Variants in ERP29 observed in about 807,000 individuals in gnomAD.
The protein encoded by ERP29 is endoplasmic reticulum resident protein 29.
Under a neutral mutation model 21.7 loss-of-function variants are expected in ERP29, and 14 were observed. The ratio of observed to expected loss-of-function variants is 0.64; its 90% CI spans 0.43 to 1.01. The LOEUF is 1.01. ERP29 is among the 50% of genes least tolerant of loss of function. ERP29 has a pLI of 0.00. For synonymous variants in ERP29, 129 were observed against 139.1 expected (o/e 0.93, Z 0.51); for missense variants, 286 against 327.3 (o/e 0.87, Z 0.97).
chr12:112,015,793 G>C (rs1209932696), intron 1 of ERP29, among the ~76,000 whole-genome samples: 1 of 152,136 alleles, frequency 6.6e-6, no homozygotes, highest in Admixed American at 6.5e-5. Context: ...TATATGACCT[G>C]ACTCCTGGCT....
chr12:112,013,515 T>C lies in ERP29; in HGVS notation c.50T>C (p.Leu17Pro), dbSNP rs763648928. ...RAAFLSPLLP[L>P]LLGFLLLSAP... ...GCATTTCTCTCCCCGCTGCTTCCCC[T>C]TCTCCTGGGCTTCCTGCTCCTCTCC... is the stretch of plus-strand genomic sequence containing the variant. The change falls in exon 1 of 3, where the codon CTT becomes CCT. Residue 17 changes from leucine to proline, a missense_variant. Physicochemically the swap from Leu to Pro is moderately conservative, Grantham distance 98. Coordinates refer to ENST00000261735, the MANE Select transcript of ERP29 (RefSeq NM_006817.4). 1 of 1,612,596 alleles carries C rather than the reference T, an allele frequency of 6.2e-7. No homozygotes were observed. Among genetic ancestry groups the C allele is most frequent in the Non-Finnish European group, 8.5e-7 (1 of 1,179,408 alleles).
At chr12:112,014,748 C>G (rs1272467030) in intron 1 of ERP29, 1 of 152,262 alleles carries the variant, frequency 6.6e-6, no homozygotes, top group South Asian at 2.1e-4. Context: ...GAGAGCCAGT[C>G]ATTTCATTTT....
chr12:112,013,505 C>T lies in ERP29; in HGVS notation c.40C>T (p.Leu14=). ...GCCCCGCGCCGCATTTCTCTCCCCGCTGCTTCCCCTTCTCCTGGGCTTCCT... is the reference window on the plus strand; with the variant it reads ...GCCCCGCGCCGCATTTCTCTCCCCGTTGCTTCCCCTTCTCCTGGGCTTCCT... ...AVPRAAFLSP[L]LPLLLGFLLL... is the part of the protein sequence containing the mutation. Residue 14 remains leucine (L), a synonymous_variant, in exon 1 of 3, where the codon CTG becomes TTG. Coordinates refer to ENST00000261735, the MANE Select transcript of ERP29 (RefSeq NM_006817.4). 1 of 1,612,632 alleles carries T rather than the reference C, an allele frequency of 6.2e-7. No individual in the cohort carries two copies. The highest frequency in any genetic ancestry group is 8.5e-7 in the Non-Finnish European group (1 of 1,179,420).
At chr12:112,017,849 A>C (rs1309486380) in intron 1 of ERP29, among the ~76,000 whole-genome samples, 1 of 135,960 alleles carries the variant, frequency 7.4e-6, no homozygotes, top group Non-Finnish European at 1.5e-5. Context: ...CAGTGGCGCG[A>C]TCTCGGCTCA....
chr12:112,019,844 A>G lies in ERP29; in HGVS notation c.233A>G (p.Glu78Gly). 1 of 1,614,108 alleles carries G rather than the reference A, an allele frequency of 6.2e-7. No individual in the cohort carries two copies. Among genetic ancestry groups the G allele is most frequent in the Non-Finnish European group, 8.5e-7 (1 of 1,180,008 alleles). ...CAGGATGAGTTCAAGCGTCTTGCTG[A>G]AAACTCGGCTTCCAGCGATGATCTC... is the stretch of plus-strand genomic sequence containing the variant. ...EKQDEFKRLA[E>G]NSASSDDLLV... is the part of the protein sequence containing the mutation. The change falls in exon 2 of 3, where the codon GAA becomes GGA. Residue 78 changes from glutamate to glycine, a missense_variant. Transcript: ENST00000261735.
In ERP29 at chr12:112,022,342, C is replaced by T. The variant is rs1302336697; in HGVS notation, c.476C>T (p.Pro159Leu). The change falls in exon 3 of 3, where the codon CCT becomes CTT. Residue 159 changes from proline (P) to leucine (L), a missense_variant. Physicochemically the swap from Pro to Leu is moderately conservative, Grantham distance 98. Coordinates refer to ENST00000261735, the MANE Select transcript of ERP29 (RefSeq NM_006817.4). ...GVYLGMPGCL[P>L]VYDALAGEFI... ...TACCTAGGTATGCCTGGTTGCCTGCCTGTATACGACGCCCTGGCCGGGGAG... is the reference window on the plus strand; with the variant it reads ...TACCTAGGTATGCCTGGTTGCCTGCTTGTATACGACGCCCTGGCCGGGGAG... 2 of 1,613,936 alleles carry T rather than the reference C, an allele frequency of 1.2e-6. No individual in the cohort carries two copies. Among genetic ancestry groups the T allele is most frequent in the Non-Finnish European group, 8.5e-7 (1 of 1,179,952 alleles).
chr12:112,016,695 C>A (rs1461850426), intron 1 of ERP29, among the ~76,000 whole-genome samples: 1 of 152,108 alleles, frequency 6.6e-6, no homozygotes, highest in Non-Finnish European at 1.5e-5. Context: ...TCGAGGTCAT[C>A]CTGGCTAACA....
chr12:112,016,204 A>G (rs1332543374), intron 1 of ERP29, among the ~76,000 whole-genome samples: 2 of 152,232 alleles, frequency 1.3e-5, no homozygotes, highest in African/African-American at 4.8e-5. Flanking sequence ...CACAATAACT[A>G]TTTTGTTGCG....
rs1479371074 is a variant in ERP29, at chr12:112,019,798, C to T, written c.187C>T (p.Gln63Ter). The T allele has an allele frequency of 1.9e-6, 3 of 1,613,992 alleles. No homozygotes were observed. Among genetic ancestry groups the T allele is most frequent in the African/African-American group, 1.3e-5 (1 of 74,874 alleles). ...GTTCGTCTTGGTGAAGTTCGACACC[C>T]AGTACCCCTACGGTGAGAAGCAGGA... ...SKFVLVKFDT[Q>*]YPYGEKQDEF... Residue 63 changes from glutamine to a stop codon, truncating the protein, a stop_gained, in exon 2 of 3, where the codon CAG (glutamine) becomes TAG (stop). Transcript: ENST00000261735. LOFTEE classifies it high-confidence loss of function.
At chr12:112,022,093 A>G in intron 2 of ERP29, 57 bp from the exon 3 acceptor site, 1 of 1,588,372 alleles carries the variant, frequency 6.3e-7, no homozygotes, top group Non-Finnish European at 8.6e-7. Flanking sequence ...TCCCATAGCA[A>G]TTTTCTGCCC....
intron 1 of ERP29, chr12:112,014,525 A>T (rs1593722456): frequency 6.6e-6 from 1 of 152,254 alleles, no homozygotes; most frequent in Non-Finnish European, 1.5e-5. Flanking sequence ...CAAAATCAGT[A>T]AAATTGGGTC....
At position 112,013,587 on chromosome 12, in the gene ERP29, T is replaced by A; in HGVS notation, c.122T>A (p.Leu41Gln). Residue 41 changes from leucine (L) to glutamine (Q), a missense_variant, in exon 1 of 3, where the codon CTG becomes CAG. Coordinates refer to ENST00000261735, the MANE Select transcript of ERP29 (RefSeq NM_006817.4). ...SGLHTKGALP[L>Q]DTVTFYKVIP... ...CTGCACACCAAGGGCGCCCTTCCCCTGGATACGGTCACTTTCTACAAGGTA... is the reference window on the plus strand; with the variant it reads ...CTGCACACCAAGGGCGCCCTTCCCCAGGATACGGTCACTTTCTACAAGGTA... 6.2e-7 allele frequency: 1 copy of A among 1,603,500 alleles called. No homozygotes were observed. Among genetic ancestry groups the A allele is most frequent in the Non-Finnish European group, 8.5e-7 (1 of 1,175,818 alleles).
intron 1 of ERP29, chr12:112,019,466 A>C (rs1327242196): frequency 4.6e-6 from 2 of 431,824 alleles, no homozygotes; most frequent in African/African-American, 4.0e-5. Context: ...AACTGAAAGG[A>C]ACCCTGAAGG....
In ERP29 at chr12:112,022,904, A is replaced by G. The variant is rs1441963023; in HGVS notation, c.*252A>G. 3.1e-5 allele frequency: 16 copies of G among 511,954 alleles called. No individual in the cohort carries two copies. Among genetic ancestry groups the G allele is most frequent in the Admixed American group, 1.7e-4 (5 of 29,186 alleles). 31.7% of individuals were successfully genotyped at this position (511,954 alleles called of 1,614,324 possible). ...TGACACCTCAGAAGGAATGAGTGCT[A>G]TAGAGAGGAGAGAGGAGTGTACTGC... On this transcript the variant is annotated 3_prime_UTR_variant, in exon 3 of 3. Coordinates refer to ENST00000261735, the MANE Select transcript of ERP29 (RefSeq NM_006817.4).
chr12:112,015,725 G>T (rs999909284), intron 1 of ERP29, among the ~76,000 whole-genome samples: 9 of 152,122 alleles, frequency 5.9e-5, no homozygotes, highest in Non-Finnish European at 1.2e-4. Context: ...CATTACAATA[G>T]CCTCTTCTCT....
In ERP29 at chr12:112,022,538, C is replaced by T. The variant is rs772092795; in HGVS notation, c.672C>T (p.Ile224=). The change falls in exon 3 of 3, where the codon ATC becomes ATT. Residue 224 remains isoleucine (I), a synonymous_variant. Transcript: ENST00000261735. The part of the protein sequence containing the change: ...EDFPASEMTR[I]ARLIEKNKMS... ...TCCCAGCATCAGAGATGACACGGAT[C>T]GCCAGGCTGATTGAGAAGAACAAGA... The T allele has an allele frequency of 1.2e-5, 20 of 1,613,992 alleles. No individual in the cohort carries two copies. Among genetic ancestry groups the T allele is most frequent in the Non-Finnish European group, 1.5e-5 (18 of 1,180,040 alleles).
intron 2 of ERP29, among the ~76,000 whole-genome samples, chr12:112,020,817 G>C (rs182707044): frequency 6.6e-6 from 1 of 152,288 alleles, no homozygotes; most frequent in African/African-American, 2.4e-5. Context: ...TTTCATCTTT[G>C]CAAGAGCTCT....
chr12:112,022,610 G>A lies in ERP29; in HGVS notation c.744G>A (p.Leu248=). 1 of 1,613,230 alleles carries A rather than the reference G, an allele frequency of 6.2e-7. No individual in the cohort carries two copies. The highest frequency in any genetic ancestry group is 8.5e-7 in the Non-Finnish European group (1 of 1,179,530). Residue 248 remains leucine (L), a synonymous_variant, in exon 3 of 3, where the codon CTG becomes CTA. Coordinates refer to ENST00000261735, the MANE Select transcript of ERP29 (RefSeq NM_006817.4). Reference sequence around the variant, plus strand: ...AGCTCCAGAAGAGCTTAAACATCCTGACTGCCTTCCAGAAGAAGGGGGCCG... The same window carrying A: ...AGCTCCAGAAGAGCTTAAACATCCTAACTGCCTTCCAGAAGAAGGGGGCCG... The part of the protein sequence containing the change: ...KEELQKSLNI[L]TAFQKKGAEK...
At chr12:112,016,317 A>G (rs1003810005) in intron 1 of ERP29, among the ~76,000 whole-genome samples, 4 of 152,198 alleles carry the variant, frequency 2.6e-5, no homozygotes, top group Admixed American at 2.0e-4. Context: ...GCCTTGTTCC[A>G]TGCTTTGCCT....
Sources: allele counts gnomAD v4.1 joint callset (sites outside exome capture counted in the v4.1 genomes callset), GRCh38; gene constraint gnomAD v4.1.1; transcripts MANE v1.5; gene names NCBI Gene and HGNC (gene_info 2026-07-23, HGNC 2026-07-21).